Variants in LGI2 observed in about 807,000 individuals in gnomAD.
LGI2 encodes the protein leucine-rich repeat LGI family member 2.
Under a neutral mutation model 52.0 loss-of-function variants are expected in LGI2, and 30 were observed. That is an observed-to-expected ratio of 0.58 (90% CI 0.43 to 0.78). The LOEUF (loss-of-function observed/expected upper bound fraction) is 0.78, where lower values mean the gene tolerates loss of function less well. LGI2 is among the 30% of genes least tolerant of loss of function. The pLI is 0.00. For missense variants in LGI2, 573 were observed against 692.5 expected (o/e 0.83, Z 1.94); for synonymous variants, 270 against 271.8 (o/e 0.99, Z 0.06).
At position 25,016,381 on chromosome 4, in the gene LGI2, T is replaced by C. The variant is rs189709087; in HGVS notation, c.655+1608A>G. Reference sequence around the variant, plus strand: ...GAGAAAAGGTAGTGAGAAGTCTCAGTGAGCTTTAGTTTAGCTTTGGTTTAT... The same window carrying C: ...GAGAAAAGGTAGTGAGAAGTCTCAGCGAGCTTTAGTTTAGCTTTGGTTTAT... On this transcript the variant is annotated intron_variant, in intron 6 of 7. Transcript: ENST00000382114. 2.7e-3 allele frequency among the ~76,000 whole-genome samples: 419 copies of C among 152,370 alleles called. 1 individual carries two copies. Among genetic ancestry groups the C allele is most frequent in the Non-Finnish European group, 5.0e-3 (337 of 68,044 alleles).
chr4:24,998,558 GAAGATATCCA>G (rs1405060010), downstream of LGI2, among the ~76,000 whole-genome samples: 1 of 152,198 alleles, frequency 6.6e-6, no homozygotes, highest in Non-Finnish European at 1.5e-5. Context: ...TGTAGAGTTG[GAAGATATCCA>G]AATATTCCTA....
At position 25,000,854 on chromosome 4, in the gene LGI2, C is replaced by A. The variant is rs914138707; in HGVS notation, c.*2597G>T. On this transcript the variant is annotated 3_prime_UTR_variant, in exon 8 of 8. Transcript: ENST00000382114. ...ATTATTACTGGAAGAATGCTTCTTG[C>A]AGAAGTTGTTTAAAACTTCAGGGAT... 2.0e-5 allele frequency: 3 copies of A among 152,172 alleles called. No homozygotes were observed. The highest frequency in any genetic ancestry group is 7.2e-5 in the African/African-American group (3 of 41,442). The allele number at this position is 152,172 out of a possible 1,614,324, so 9.4% of individuals were successfully genotyped here.
Position 25,028,540 on chromosome 4 carries a change from C to A in LGI2, c.236G>T (p.Arg79Leu). The A allele has an allele frequency of 6.2e-7, 1 of 1,613,364 alleles. No homozygotes were observed. Among genetic ancestry groups the A allele is most frequent in the Non-Finnish European group, 8.5e-7 (1 of 1,179,818 alleles). The change falls in exon 2 of 8, where the codon CGA becomes CTA. Residue 79 changes from arginine to leucine, a missense_variant. Physicochemically the swap from Arg to Leu is moderately radical, Grantham distance 102. Coordinates refer to ENST00000382114, the MANE Select transcript of LGI2 (RefSeq NM_018176.4). ...VNGTFSEIKD[R>L]MFSHLPSLQL... Reference sequence around the variant, plus strand: ...CAGAGAAGGCAGATGGGAAAACATTCGGTCCTTGATTTCTGAAAACGTCCC... The same window carrying A: ...CAGAGAAGGCAGATGGGAAAACATTAGGTCCTTGATTTCTGAAAACGTCCC...
intron 6 of LGI2, among the ~76,000 whole-genome samples, chr4:25,016,915 C>T (rs981761223): frequency 7.9e-5 from 12 of 152,120 alleles, no homozygotes; most frequent in African/African-American, 2.9e-4. Flanking sequence ...TTTCATACAG[C>T]GGCCTGATCC....
chr4:25,003,225 GC>G lies in LGI2; in HGVS notation c.*225del, dbSNP rs1348471288. 2.2e-6 allele frequency: 1 copy of G among 447,878 alleles called. No homozygotes were observed. The highest frequency in any genetic ancestry group is 3.9e-6 in the Non-Finnish European group (1 of 257,040). 27.7% of individuals were successfully genotyped at this position (447,878 alleles called of 1,614,324 possible). ...TGTACTCTTTTCTCAGAAATTACAGGCTTTAAGATTTTTTTTTAAATGGTAG... is the reference window on the plus strand; with the variant it reads ...TGTACTCTTTTCTCAGAAATTACAGGTTTAAGATTTTTTTTTAAATGGTAG... On this transcript the variant is annotated 3_prime_UTR_variant, in exon 8 of 8. Coordinates refer to ENST00000382114, the MANE Select transcript of LGI2 (RefSeq NM_018176.4).
At chr4:24,997,261 C>A (rs1725107325), downstream of LGI2, among the ~76,000 whole-genome samples, 1 of 152,188 alleles carries the variant, frequency 6.6e-6, no homozygotes, top group African/African-American at 2.4e-5. Flanking sequence ...TCTCAGCCCT[C>A]AATTTAGTCT....
the LGI2 span, among the ~76,000 whole-genome samples, chr4:24,992,309 C>T: frequency 1.3e-5 from 2 of 152,134 alleles, no homozygotes; most frequent in African/African-American, 4.8e-5. Context: ...TGTCCCACCG[C>T]CCCCCACCAT....
intron 1 of LGI2, among the ~76,000 whole-genome samples, chr4:25,029,896 C>A (rs1726271104): frequency 6.6e-6 from 1 of 152,228 alleles, no homozygotes; most frequent in Non-Finnish European, 1.5e-5. Flanking sequence ...GGCCCCTCCC[C>A]TCCCAGAGCC....
downstream of LGI2, among the ~76,000 whole-genome samples, chr4:24,996,916 A>G (rs1418274463): frequency 6.6e-6 from 1 of 152,228 alleles, no homozygotes; most frequent in Non-Finnish European, 1.5e-5. Flanking sequence ...TGGGGCCCAC[A>G]TAGAGATTCC....
At chr4:25,017,151 A>T (rs1347157188) in intron 6 of LGI2, among the ~76,000 whole-genome samples, 1 of 152,178 alleles carries the variant, frequency 6.6e-6, no homozygotes, top group Non-Finnish European at 1.5e-5. Context: ...CCTTTTGATA[A>T]CTAGTTGTTA....
intron 1 of LGI2, among the ~76,000 whole-genome samples, chr4:25,029,135 T>C (rs1051482481): frequency 3.3e-5 from 5 of 152,220 alleles, no homozygotes; most frequent in African/African-American, 1.2e-4. Flanking sequence ...GGAGGCAAGA[T>C]GCTTGGCTTT....
In LGI2 at chr4:25,004,246, C is replaced by G; in HGVS notation, c.843G>C (p.Lys281Asn). 1.2e-6 allele frequency: 2 copies of G among 1,613,802 alleles called. No individual in the cohort carries two copies. Among genetic ancestry groups the G allele is most frequent in the Non-Finnish European group, 1.7e-6 (2 of 1,179,914 alleles). ...NITGQSIVGC[K>N]AILIDDQVFV... ...AGACCTGATCATCGATGAGAATGGC[C>G]TTACAGCCCACGATGGACTGACCTG... is the stretch of plus-strand genomic sequence containing the variant. Residue 281 changes from lysine (K) to asparagine (N), a missense_variant, in exon 8 of 8, where the codon AAG (lysine) becomes AAC (asparagine). Lys to Asn is a moderately conservative substitution (Grantham distance 94). Coordinates refer to ENST00000382114, the MANE Select transcript of LGI2 (RefSeq NM_018176.4). This position sits in a 1 kb window ranked among gnomAD's most constrained non-coding sequence, Gnocchi z 4.6.
chr4:24,999,742 AT>A lies in LGI2; in HGVS notation c.*3708del. The A allele has an allele frequency of 2.2e-6, 1 of 449,528 alleles. No individual in the cohort carries two copies. Among genetic ancestry groups the A allele is most frequent in the South Asian group, 1.6e-5 (1 of 63,438 alleles). 27.8% of individuals were successfully genotyped at this position (449,528 alleles called of 1,614,324 possible). A position where few individuals can be genotyped will look rare whatever the true frequency, so the allele number is the denominator to read the frequency against. On this transcript the variant is annotated 3_prime_UTR_variant, in exon 8 of 8. Transcript: ENST00000382114. ...GCCAAACCTCTGGCATCCCATGCTG[AT>A]TTCTTTCCTAAAAATACACAGACTC...
intron 6 of LGI2, among the ~76,000 whole-genome samples, chr4:25,016,554 C>A (rs554726126): frequency 2.0e-5 from 3 of 152,326 alleles, no homozygotes; most frequent in Admixed American, 2.0e-4. Flanking sequence ...GACTGTGGGG[C>A]ACCTGTCAAT....
At chr4:25,023,635 C>T (rs1726047839) in intron 4 of LGI2, among the ~76,000 whole-genome samples, 1 of 152,332 alleles carries the variant, frequency 6.6e-6, no homozygotes, top group African/African-American at 2.4e-5. Flanking sequence ...GTTACACATG[C>T]TGAAGGTACT....
In LGI2 at chr4:25,003,191, A is replaced by C; in HGVS notation, c.*260T>G. The C allele has an allele frequency of 1.1e-5, 4 of 361,138 alleles. No homozygotes were observed. The highest frequency in any genetic ancestry group is 2.0e-5 in the Non-Finnish European group (4 of 203,998). 22.4% of individuals were successfully genotyped at this position (361,138 alleles called of 1,614,324 possible). On this transcript the variant is annotated 3_prime_UTR_variant, in exon 8 of 8. Coordinates refer to ENST00000382114, the MANE Select transcript of LGI2 (RefSeq NM_018176.4). The stretch of plus-strand genomic sequence containing the variant: ...GCATATTACATTTCTAGATGATAAG[A>C]GTAAATGCTGTACTCTTTTCTCAGA...
Position 24,999,556 on chromosome 4 carries a change from C to A in LGI2, c.*3895G>T. On this transcript the variant is annotated 3_prime_UTR_variant, in exon 8 of 8. Coordinates refer to ENST00000382114, the MANE Select transcript of LGI2 (RefSeq NM_018176.4). Reference sequence around the variant, plus strand: ...TGCCTAATTAAAGAACTTCCTTCCGCAGCTGCGAAGGAGAGGCTGATACCT... The same window carrying A: ...TGCCTAATTAAAGAACTTCCTTCCGAAGCTGCGAAGGAGAGGCTGATACCT... 4.2e-6 allele frequency: 1 copy of A among 235,810 alleles called. No homozygotes were observed. The allele number at this position is 235,810 out of a possible 1,614,324, so 14.6% of individuals were successfully genotyped here. A position where few individuals can be genotyped will look rare whatever the true frequency, so the allele number is the denominator to read the frequency against.
downstream of LGI2, among the ~76,000 whole-genome samples, chr4:24,996,384 G>T (rs531001938): frequency 6.6e-6 from 1 of 152,314 alleles, no homozygotes; most frequent in East Asian, 1.9e-4. Flanking sequence ...AGTTTATTTG[G>T]ATTTCCATAT....
At chr4:24,997,798 G>A (rs564882907), downstream of LGI2, among the ~76,000 whole-genome samples, 20 of 152,332 alleles carry the variant, frequency 1.3e-4, no homozygotes, top group African/African-American at 4.6e-4. Context: ...GTGGAATAGA[G>A]ACAAGGTGAT....
Sources: gnomAD v4.1 joint callset for allele counts (sites outside exome capture counted in the v4.1 genomes callset) on GRCh38, gnomAD v4.1.1 for gene constraint, Gnocchi (gnomAD v3.1) non-coding constraint, MANE v1.5 for transcripts, NCBI Gene and HGNC (gene_info 2026-07-23, HGNC 2026-07-21) for gene names.